Variants in IRAK3 observed in about 807,000 individuals in gnomAD.
IRAK3 encodes the protein interleukin-1 receptor-associated kinase 3.
A neutral mutation model predicts 56.6 loss-of-function variants in IRAK3; 57 were observed. That is an observed-to-expected ratio of 1.01 (90% CI 0.81 to 1.26). The LOEUF (loss-of-function observed/expected upper bound fraction) is 1.26, where lower values mean the gene tolerates loss of function less well. Ranked by LOEUF, IRAK3 falls within the 50% of genes most tolerant of loss-of-function variation. The pLI is 0.00. For missense variants in IRAK3, 703 were observed against 719.0 expected, an observed-to-expected ratio of 0.98 and a Z score of 0.25; for synonymous variants, 258 against 255.7, an observed-to-expected ratio of 1.01 and a Z score of -0.09.
In IRAK3 at chr12:66,189,350, G is replaced by C; in HGVS notation, c.51G>C (p.Leu17=). The C allele has an allele frequency of 6.5e-7, 1 of 1,532,038 alleles. No homozygotes were observed. Among genetic ancestry groups the C allele is most frequent in the Non-Finnish European group, 8.7e-7 (1 of 1,145,488 alleles). 94.9% of individuals were successfully genotyped at this position (1,532,038 alleles called of 1,614,324 possible). A position where few individuals can be genotyped will look rare whatever the true frequency, so the allele number is the denominator to read the frequency against. Residue 17 remains leucine (L), a synonymous_variant, in exon 1 of 12, where the codon CTG becomes CTC. Transcript: ENST00000261233. ...GCGCGCTGTCGGCGCACACGCTGCT[G>C]TTCGACCTGCCGCCCGCGCTGCTCG... is the stretch of plus-strand genomic sequence containing the variant. ...ARGALSAHTL[L]FDLPPALLGE...
intron 8 of IRAK3, among the ~76,000 whole-genome samples, chr12:66,238,619 T>C (rs757946622): frequency 1.4e-4 from 22 of 152,226 alleles, no homozygotes; most frequent in Admixed American, 4.6e-4. Flanking sequence ...AATGCTGACA[T>C]TGGACTCCTG....
intron 1 of IRAK3, among the ~76,000 whole-genome samples, chr12:66,203,101 A>T (rs767408142): frequency 9.9e-5 from 15 of 152,170 alleles, no homozygotes; most frequent in Admixed American, 3.9e-4. Context: ...GATAAATAAG[A>T]TCCACTGGTG....
At position 66,250,010 on chromosome 12, in the gene IRAK3, G is replaced by C. The variant is rs1463942793; in HGVS notation, c.*1839G>C. ...AGTGTGTAAGGGCCATCTCTTCAGAGCCTAATGTGTCATCCTACACAGAGC... is the reference window on the plus strand; with the variant it reads ...AGTGTGTAAGGGCCATCTCTTCAGACCCTAATGTGTCATCCTACACAGAGC... On this transcript the variant is annotated 3_prime_UTR_variant, in exon 12 of 12. Transcript: ENST00000261233. The C allele has an allele frequency of 6.6e-6, 1 of 152,192 alleles. No homozygotes were observed. The highest frequency in any genetic ancestry group is 1.5e-5 in the Non-Finnish European group (1 of 68,028). 9.4% of individuals were successfully genotyped at this position (152,192 alleles called of 1,614,324 possible).
chr12:66,201,444 AG>A (rs1296032039), intron 1 of IRAK3, among the ~76,000 whole-genome samples: 1 of 152,186 alleles, frequency 6.6e-6, no homozygotes, highest in African/African-American at 2.4e-5. Flanking sequence ...TGGAAGGTAA[AG>A]TTATGAAAGG....
chr12:66,234,857 G>A (rs759913609), intron 8 of IRAK3: 83 of 1,611,918 alleles, frequency 5.1e-5, no homozygotes, highest in South Asian at 1.4e-4. Flanking sequence ...TGGCAAATTA[G>A]AAATGTAGAG....
chr12:66,207,177 ATCT>A (rs1565801254), intron 2 of IRAK3, among the ~76,000 whole-genome samples: 2 of 152,146 alleles, frequency 1.3e-5, no homozygotes, highest in Admixed American at 6.5e-5. Flanking sequence ...TTTTTAAAAA[ATCT>A]TCTATTTCGG....
At chr12:66,242,065 G>A (rs1440223568) in intron 8 of IRAK3, among the ~76,000 whole-genome samples, 1 of 152,020 alleles carries the variant, frequency 6.6e-6, no homozygotes, top group Non-Finnish European at 1.5e-5. Context: ...ATAATTCTAT[G>A]CCTTTTTTTA....
At chr12:66,224,921 T>G (rs890174347) in intron 6 of IRAK3, among the ~76,000 whole-genome samples, 3 of 152,200 alleles carry the variant, frequency 2.0e-5, no homozygotes, top group Non-Finnish European at 2.9e-5. Context: ...ATGTATATAA[T>G]CTAAAACCCT....
chr12:66,222,285 C>T (rs2052741953), intron 6 of IRAK3, among the ~76,000 whole-genome samples: 1 of 152,044 alleles, frequency 6.6e-6, no homozygotes, highest in Non-Finnish European at 1.5e-5. Flanking sequence ...AGAATTTACC[C>T]AGAATCTCTA....
At chr12:66,236,982 T>C (rs916476665) in intron 8 of IRAK3, among the ~76,000 whole-genome samples, 4 of 152,040 alleles carry the variant, frequency 2.6e-5, no homozygotes, top group Admixed American at 2.0e-4. Flanking sequence ...TCCCCTTCTT[T>C]ACCAGCCACC....
chr12:66,247,813 C>T lies in IRAK3; in HGVS notation c.1433C>T (p.Pro478Leu). 6.2e-7 allele frequency: 1 copy of T among 1,613,956 alleles called. No homozygotes were observed. Among genetic ancestry groups the T allele is most frequent in the Non-Finnish European group, 8.5e-7 (1 of 1,179,838 alleles). Reference sequence around the variant, plus strand: ...TTCCTGGAGAATGTACCAAGTATTCCAGTGGAAGATGATGAAAGCCAGAAT... The same window carrying T: ...TTCCTGGAGAATGTACCAAGTATTCTAGTGGAAGATGATGAAAGCCAGAAT... Reference protein sequence around the residue: ...PLFLENVPSIPVEDDESQNNN... With the variant: ...PLFLENVPSILVEDDESQNNN... Residue 478 changes from proline to leucine, a missense_variant, in exon 12 of 12, where the codon CCA becomes CTA. Physicochemically the swap from Pro to Leu is moderately conservative, Grantham distance 98. Coordinates refer to ENST00000261233, the MANE Select transcript of IRAK3 (RefSeq NM_007199.3).
rs1289086524 is a variant in IRAK3, at chr12:66,211,614, T to C, written c.588+17T>C. 6.3e-7 allele frequency: 1 copy of C among 1,594,970 alleles called. No individual in the cohort carries two copies. Among genetic ancestry groups the C allele is most frequent in the Non-Finnish European group, 8.6e-7 (1 of 1,163,104 alleles). On this transcript the variant is annotated intron_variant, in intron 5 of 11. Coordinates refer to ENST00000261233, the MANE Select transcript of IRAK3 (RefSeq NM_007199.3). ...TTTAAACAGGTATGGAAAGAATTAC[T>C]GTCACAGGACATCAGTTCCACTTAT...
Position 66,211,540 on chromosome 12 carries a change from T to C in IRAK3, c.531T>C (p.Phe177=), listed in dbSNP as rs1268813044. ...KDFLIGEGEI[F]EVYRVEIQNL... is the part of the protein sequence containing the mutation. The stretch of plus-strand genomic sequence containing the variant: ...TCCTAATTGGAGAAGGAGAGATTTT[T>C]GAGGTATACAGAGTGGAGATTCAAA... Residue 177 remains phenylalanine (F), a synonymous_variant, in exon 5 of 12, where the codon TTT becomes TTC. Transcript: ENST00000261233. 1 of 1,611,666 alleles carries C rather than the reference T, an allele frequency of 6.2e-7. No homozygotes were observed. Among genetic ancestry groups the C allele is most frequent in the Admixed American group, 1.7e-5 (1 of 60,012 alleles).
chr12:66,219,825 A>G (rs2052713084), intron 6 of IRAK3, among the ~76,000 whole-genome samples: 1 of 152,072 alleles, frequency 6.6e-6, no homozygotes, highest in Admixed American at 6.6e-5. Flanking sequence ...CTTTTCATAT[A>G]CCTCTTAGTC....
chr12:66,230,170 G>A (rs2052829002), intron 8 of IRAK3, among the ~76,000 whole-genome samples: 1 of 152,184 alleles, frequency 6.6e-6, no homozygotes, highest in Non-Finnish European at 1.5e-5. Flanking sequence ...TGATTTGGAT[G>A]TGCCTAACAG....
intron 9 of IRAK3, 33 bp downstream of exon 9, chr12:66,244,717 T>A (rs2053009659): frequency 6.4e-7 from 1 of 1,552,548 alleles, no homozygotes; most frequent in African/African-American, 1.4e-5. Context: ...CAAAGGAGAG[T>A]TTATTGCCAA....
At chr12:66,245,874 A>G (rs560849331) in intron 11 of IRAK3, among the ~76,000 whole-genome samples, 3 of 152,022 alleles carry the variant, frequency 2.0e-5, no homozygotes, top group Non-Finnish European at 4.4e-5. Context: ...AAATTTATTA[A>G]TCTATCCATA....
At chr12:66,195,122 T>C (rs2052438848) in intron 1 of IRAK3, among the ~76,000 whole-genome samples, 1 of 152,184 alleles carries the variant, frequency 6.6e-6, no homozygotes, top group Non-Finnish European at 1.5e-5. Context: ...GGCAGTTCCA[T>C]TCTTCATTTG....
In IRAK3 at chr12:66,249,644, C is replaced by T. The variant is rs998644232; in HGVS notation, c.*1473C>T. ...GGAGAACTCACTGCCTTGCCTTTTC[C>T]AGCTTCTAGAGGCCACCTGCCTTCT... On this transcript the variant is annotated 3_prime_UTR_variant, in exon 12 of 12. Coordinates refer to ENST00000261233, the MANE Select transcript of IRAK3 (RefSeq NM_007199.3). 1.3e-5 allele frequency: 2 copies of T among 152,586 alleles called. No individual in the cohort carries two copies. The highest frequency in any genetic ancestry group is 4.8e-5 in the African/African-American group (2 of 41,430). The allele number at this position is 152,586 out of a possible 1,614,324, so 9.5% of individuals were successfully genotyped here. A position where few individuals can be genotyped will look rare whatever the true frequency, so the allele number is the denominator to read the frequency against.
Sources: allele counts gnomAD v4.1 joint callset (sites outside exome capture counted in the v4.1 genomes callset), GRCh38; gene constraint gnomAD v4.1.1; transcripts MANE v1.5; gene names NCBI Gene and HGNC (gene_info 2026-07-23, HGNC 2026-07-21).